The following PAK2 variants were observed in gnomAD, a reference collection of about 807,000 sequenced individuals.
PAK2 encodes serine/threonine-protein kinase PAK 2.
PAK2 carries 21 observed loss-of-function variants against 65.9 expected under a neutral mutation model. That is an observed-to-expected ratio of 0.32 (90% CI 0.23 to 0.46). The LOEUF (loss-of-function observed/expected upper bound fraction) is 0.46. Ranked by LOEUF, PAK2 falls within the 20% of genes least tolerant of loss-of-function variation. The pLI is 1.00. For missense variants in PAK2, 324 were observed against 642.6 expected (o/e 0.50, Z 5.36); for synonymous variants, 204 against 219.7 (o/e 0.93, Z 0.63).
intron 1 of PAK2, among the ~76,000 whole-genome samples, chr3:196,774,976 T>G (rs1020303411): frequency 1.3e-5 from 2 of 152,134 alleles, no homozygotes; most frequent in Non-Finnish European, 2.9e-5. Flanking sequence ...ACTGAAAACA[T>G]AGAGACTGAG....
intron 3 of PAK2, among the ~76,000 whole-genome samples, chr3:196,802,397 G>A (rs1278445366): frequency 7.9e-5 from 12 of 151,696 alleles, no homozygotes; most frequent in Non-Finnish European, 1.5e-4. Context: ...GTGAAACTCC[G>A]TCTCAAAAAA....
At chr3:196,783,889 G>A (rs1714796136) in intron 2 of PAK2, among the ~76,000 whole-genome samples, 1 of 152,192 alleles carries the variant, frequency 6.6e-6, no homozygotes, top group South Asian at 2.1e-4. Flanking sequence ...GTTGATGTAT[G>A]TGGTGTAGTT....
At chr3:196,767,205 T>C (rs998570863) in intron 1 of PAK2, among the ~76,000 whole-genome samples, 1 of 152,190 alleles carries the variant, frequency 6.6e-6, no homozygotes, top group Non-Finnish European at 1.5e-5. Context: ...AGTCTTTTGC[T>C]GTTACTGATA....
At chr3:196,817,876 G>A (rs1326453687) in intron 11 of PAK2, among the ~76,000 whole-genome samples, 181 bp from the exon 12 acceptor site, 1 of 152,022 alleles carries the variant, frequency 6.6e-6, no homozygotes, top group African/African-American at 2.4e-5. Flanking sequence ...ACTTTAAGGA[G>A]GAGATCTAAT....
intron 1 of PAK2, among the ~76,000 whole-genome samples, chr3:196,751,092 A>C (rs1165605695): frequency 6.6e-6 from 1 of 152,096 alleles, no homozygotes; most frequent in Admixed American, 6.5e-5. Flanking sequence ...TGTCTCAATG[A>C]ACTTGCCTCT....
At chr3:196,797,948 A>G (rs1715309059) in intron 2 of PAK2, among the ~76,000 whole-genome samples, 1 of 152,228 alleles carries the variant, frequency 6.6e-6, no homozygotes, top group Non-Finnish European at 1.5e-5. Flanking sequence ...TTTGTAGGAT[A>G]CTGCTAAAGC....
chr3:196,800,022 C>T (rs1395430098), intron 2 of PAK2, among the ~76,000 whole-genome samples: 1 of 152,120 alleles, frequency 6.6e-6, no homozygotes, highest in African/African-American at 2.4e-5. Context: ...TTTTAAAGAC[C>T]TAAATAAATG....
chr3:196,772,637 A>C (rs894587347), intron 1 of PAK2, among the ~76,000 whole-genome samples: 1 of 151,854 alleles, frequency 6.6e-6, no homozygotes, highest in African/African-American at 2.4e-5. Context: ...ACATGAGAAC[A>C]CTCTTGCTTC....
chr3:196,812,886 A>G (rs988260192), intron 10 of PAK2, 35 bp downstream of exon 10: 1 of 935,172 alleles, frequency 1.1e-6, no homozygotes. Context: ...CCGGGAGAAA[A>G]TGTAGAAATT....
chr3:196,792,767 C>G (rs1715113559), intron 2 of PAK2, among the ~76,000 whole-genome samples: 1 of 151,818 alleles, frequency 6.6e-6, no homozygotes, highest in African/African-American at 2.4e-5. Flanking sequence ...ATTCTATTTA[C>G]TCTCCCTCCC....
chr3:196,783,848 CT>C (rs1330372195), intron 2 of PAK2, among the ~76,000 whole-genome samples: 1 of 152,190 alleles, frequency 6.6e-6, no homozygotes. Flanking sequence ...TTTCCACATA[CT>C]TTTCACTCAG....
At chr3:196,812,419 G>A (rs1164718393) in intron 9 of PAK2, 152 bp downstream of exon 9, 1 of 637,118 alleles carries the variant, frequency 1.6e-6, no homozygotes, top group East Asian at 2.6e-5. Context: ...CTGTCAGTAA[G>A]GCGGGGAAGG....
rs746709370 is a variant in PAK2, at chr3:196,748,464, ACT to A, written c.-22+8312_-22+8313del. 5.9e-5 allele frequency among the ~76,000 whole-genome samples: 9 copies of A among 151,388 alleles called. No homozygotes were observed. The South Asian group carries it at 1.5e-3, about 25-fold the overall frequency. ...TACCGACTGGTTTCCGCACCTTAAA[ACT>A]CTCTGCTCCACCTGTTCCTCCCACT... On this transcript the variant is annotated intron_variant, in intron 1 of 14. Transcript: ENST00000327134.
chr3:196,811,223 C>CCTTCCCTTCCTTTCCTT (rs1560113598), intron 8 of PAK2, among the ~76,000 whole-genome samples: 2 of 17,590 alleles, frequency 1.1e-4, no homozygotes, highest in African/African-American at 5.5e-4. Flanking sequence ...TTCCCTCCCT[C>CCTTCCCTTCCTTTCCTT]CCTTCCCTTC....
chr3:196,768,165 A>G (rs1714235988), intron 1 of PAK2, among the ~76,000 whole-genome samples: 2 of 152,202 alleles, frequency 1.3e-5, no homozygotes, highest in Admixed American at 1.3e-4. Context: ...TGGGACACTG[A>G]GGAGTTGTGA....
At chr3:196,767,418 CAATT>C (rs1176699105) in intron 1 of PAK2, among the ~76,000 whole-genome samples, 1 of 88,760 alleles carries the variant, frequency 1.1e-5, no homozygotes, top group East Asian at 3.8e-4. Context: ...AGGAAAAAAT[CAATT>C]AATGCCCTGA....
chr3:196,815,362 C>G (rs1049588270), intron 11 of PAK2, among the ~76,000 whole-genome samples: 25 of 151,434 alleles, frequency 1.7e-4, no homozygotes, highest in East Asian at 1.2e-3. Context: ...CATGGTGGTG[C>G]ACGCCTGTAA....
intron 2 of PAK2, among the ~76,000 whole-genome samples, chr3:196,790,639 G>A (rs554080385): frequency 9.2e-5 from 14 of 152,240 alleles, no homozygotes; most frequent in African/African-American, 1.7e-4. Context: ...ACCCAATGAC[G>A]GATGAATAAC....
chr3:196,806,363 C>CAT (rs1357749276), intron 5 of PAK2, among the ~76,000 whole-genome samples: 2 of 151,574 alleles, frequency 1.3e-5, no homozygotes, highest in Non-Finnish European at 2.9e-5. Context: ...TGGTACTCAC[C>CAT]ATATATATAT....
Sources: allele counts gnomAD v4.1 joint callset (sites outside exome capture counted in the v4.1 genomes callset), GRCh38; gene constraint gnomAD v4.1.1; transcripts MANE v1.5; gene names NCBI Gene and HGNC (gene_info 2026-07-23, HGNC 2026-07-21).